The following BRD4 variants were observed in gnomAD, a reference collection of about 807,000 sequenced individuals.
BRD4 encodes bromodomain-containing protein 4.
A neutral mutation model predicts 142.1 loss-of-function variants in BRD4; 16 were observed. The observed-to-expected ratio is 0.11, with a 90% CI of 0.08 to 0.17. The LOEUF is 0.17. BRD4 is among the 10% of genes least tolerant of loss of function. BRD4 has a pLI of 1.00. For missense variants in BRD4, 1,424 were observed against 1,810.9 expected, an observed-to-expected ratio of 0.79 and a Z score of 3.88; for synonymous variants, 833 against 707.5, an observed-to-expected ratio of 1.18 and a Z score of -2.82.
intron 1 of BRD4, among the ~76,000 whole-genome samples, chr19:15,321,005 G>A (rs1599528277): frequency 6.6e-6 from 1 of 152,280 alleles, no homozygotes; most frequent in African/African-American, 2.4e-5. Context: ...AGGCCAAGGC[G>A]GATGGATCAC....
intron 1 of BRD4, among the ~76,000 whole-genome samples, chr19:15,273,663 C>A (rs2047614606): frequency 6.6e-6 from 1 of 152,152 alleles, no homozygotes; most frequent in Non-Finnish European, 1.5e-5. Context: ...CATGGATGGC[C>A]CACCCAGTCC....
intron 1 of BRD4, among the ~76,000 whole-genome samples, chr19:15,314,538 T>C (rs563570000): frequency 1.1e-4 from 16 of 152,282 alleles, no homozygotes; most frequent in African/African-American, 3.9e-4. Flanking sequence ...TCCATCCTCC[T>C]GGAGATGCCC....
intron 1 of BRD4, among the ~76,000 whole-genome samples, chr19:15,325,766 A>C (rs1241971518): frequency 6.6e-6 from 1 of 152,110 alleles, no homozygotes; most frequent in African/African-American, 2.4e-5. Context: ...TGGGAGGCTG[A>C]GGCGGGCGGA....
intron 2 of BRD4, among the ~76,000 whole-genome samples, chr19:15,271,768 G>C (rs540412523): frequency 1.1e-3 from 169 of 152,314 alleles, no homozygotes; most frequent in Non-Finnish European, 1.8e-3. Context: ...TCAAGACCCA[G>C]ACACGTACTG....
At chr19:15,243,821 A>G (rs1275832612) in intron 13 of BRD4, among the ~76,000 whole-genome samples, 2 of 152,008 alleles carry the variant, frequency 1.3e-5, no homozygotes, top group African/African-American at 2.4e-5. Flanking sequence ...CCCTGTCCCC[A>G]TATCCCCCAG....
At chr19:15,242,620 C>T (rs1201417216) in intron 14 of BRD4, among the ~76,000 whole-genome samples, 5 of 152,120 alleles carry the variant, frequency 3.3e-5, no homozygotes, top group Non-Finnish European at 7.4e-5. Flanking sequence ...TCCTAGCTTC[C>T]CCACCTAGCA....
chr19:15,244,778 G>C lies in BRD4; in HGVS notation c.2159-16C>G. The C allele has an allele frequency of 1.2e-6, 2 of 1,614,126 alleles. No homozygotes were observed. The highest frequency in any genetic ancestry group is 1.7e-6 in the Non-Finnish European group (2 of 1,180,024). ...GGAGCCATCTCTGCAGAGGAAAAGA[G>C]AAGGTAGTGAGGCTCTGGGGGAGAA... On this transcript the variant is annotated splice_polypyrimidine_tract_variant and intron_variant, in intron 11 of 19. Coordinates refer to ENST00000679869, the MANE Select transcript of BRD4 (RefSeq NM_001379291.1).
At chr19:15,325,609 C>G (rs1470121608) in intron 1 of BRD4, among the ~76,000 whole-genome samples, 1 of 152,196 alleles carries the variant, frequency 6.6e-6, no homozygotes, top group Non-Finnish European at 1.5e-5. Flanking sequence ...AAGACCCTGT[C>G]AAGCTCTGAT....
intron 11 of BRD4, among the ~76,000 whole-genome samples, chr19:15,251,898 G>C (rs2047351600): frequency 6.6e-6 from 1 of 152,296 alleles, no homozygotes; most frequent in Non-Finnish European, 1.5e-5. Context: ...GGGAAGAGGG[G>C]AAGGCCAGAG....
chr19:15,329,180 C>T (rs2048135623), intron 1 of BRD4, among the ~76,000 whole-genome samples: 1 of 151,972 alleles, frequency 6.6e-6, no homozygotes, highest in Non-Finnish European at 1.5e-5. Flanking sequence ...CAATTCTCAC[C>T]TCGCAAATGT....
chr19:15,275,186 G>A (rs1448262369), intron 1 of BRD4, among the ~76,000 whole-genome samples: 1 of 151,956 alleles, frequency 6.6e-6, no homozygotes, highest in Non-Finnish European at 1.5e-5. Context: ...TTCACAAGAG[G>A]AAAAAAACAG....
At chr19:15,259,254 G>A (rs757502264) in intron 7 of BRD4, among the ~76,000 whole-genome samples, 1 of 152,236 alleles carries the variant, frequency 6.6e-6, no homozygotes, top group Non-Finnish European at 1.5e-5. Flanking sequence ...ACATCATGAA[G>A]GGAGATAATC....
chr19:15,295,699 G>A (rs937798946), intron 1 of BRD4, among the ~76,000 whole-genome samples: 3 of 152,358 alleles, frequency 2.0e-5, no homozygotes, highest in Non-Finnish European at 2.9e-5. Context: ...GGCTGCGTGC[G>A]GTGGCTCACG....
At chr19:15,277,052 A>G (rs914339636) in intron 1 of BRD4, among the ~76,000 whole-genome samples, 1 of 152,204 alleles carries the variant, frequency 6.6e-6, no homozygotes, top group Non-Finnish European at 1.5e-5. Flanking sequence ...ACAGGAGACA[A>G]CATCTTCAAA....
chr19:15,244,875 T>C (rs1264252151), intron 11 of BRD4, 113 bp from the exon 12 acceptor site: 39 of 1,571,656 alleles, frequency 2.5e-5, no homozygotes, highest in Non-Finnish European at 2.9e-5. Flanking sequence ...CCAGTGACCC[T>C]GAGAAAGGGC....
Position 15,264,548 on chromosome 19 carries a change from G to A in BRD4, c.1068C>T (p.Cys356=), listed in dbSNP as rs778382642. 3 of 1,614,222 alleles carry A rather than the reference G, an allele frequency of 1.9e-6. No homozygotes were observed. Among genetic ancestry groups the A allele is most frequent in the Non-Finnish European group, 2.5e-6 (3 of 1,180,042 alleles). Residue 356 remains cysteine (C), a synonymous_variant, in exon 6 of 20, where the codon TGC becomes TGT. Transcript: ENST00000679869. The part of the protein sequence containing the change: ...KSSKVSEQLK[C]CSGILKEMFA... ...ACATCTCCTTGAGGATGCCGCTGCA[G>A]CACTTGAGCTGCTCCGAGACCTTGC...
chr19:15,289,280 G>A (rs951647881), intron 1 of BRD4, among the ~76,000 whole-genome samples: 3 of 152,116 alleles, frequency 2.0e-5, no homozygotes, highest in Non-Finnish European at 2.9e-5. Context: ...AGCTGGGTGC[G>A]GTGGCTCACG....
intron 1 of BRD4, among the ~76,000 whole-genome samples, chr19:15,324,290 T>A (rs546881523): frequency 1.3e-5 from 2 of 152,340 alleles, no homozygotes; most frequent in South Asian, 4.1e-4. Flanking sequence ...ATTCACATTC[T>A]CTTAATTTGA....
chr19:15,243,992 T>C (rs2145514342), intron 13 of BRD4, among the ~76,000 whole-genome samples: 1 of 152,354 alleles, frequency 6.6e-6, no homozygotes, highest in African/African-American at 2.4e-5. Flanking sequence ...GTTACTCAAA[T>C]GATGTCAGTG....
Sources: gnomAD v4.1 joint callset for allele counts (sites outside exome capture counted in the v4.1 genomes callset) on GRCh38, gnomAD v4.1.1 for gene constraint, MANE v1.5 for transcripts, NCBI Gene and HGNC (gene_info 2026-07-23, HGNC 2026-07-21) for gene names.